Variants in FAF1 observed in about 807,000 individuals in gnomAD.
The protein encoded by FAF1 is Fas associated factor 1.
FAF1 carries 25 observed loss-of-function variants against 92.5 expected under a neutral mutation model. The ratio of observed to expected loss-of-function variants is 0.27; its 90% CI spans 0.20 to 0.38. FAF1 has a LOEUF of 0.38. Ranked by LOEUF, FAF1 falls within the 10% of genes least tolerant of loss-of-function variation. The pLI is 1.00. For synonymous variants in FAF1, 234 were observed against 273.2 expected, an observed-to-expected ratio of 0.86 and a Z score of 1.42; for missense variants, 636 against 793.3, an observed-to-expected ratio of 0.80 and a Z score of 2.38.
intron 15 of FAF1, among the ~76,000 whole-genome samples, chr1:50,508,940 G>A (rs1014575315): frequency 6.6e-6 from 1 of 152,142 alleles, no homozygotes; most frequent in Non-Finnish European, 1.5e-5. Flanking sequence ...CTGACCTCAG[G>A]TGATCCACCC....
chr1:50,603,428 G>A (rs1283715011), intron 8 of FAF1, among the ~76,000 whole-genome samples: 1 of 152,102 alleles, frequency 6.6e-6, no homozygotes, highest in East Asian at 1.9e-4. Context: ...ACGTAGATAA[G>A]GTTTTTTATA....
intron 1 of FAF1, among the ~76,000 whole-genome samples, chr1:50,945,886 A>T (rs1448512700): frequency 6.6e-6 from 1 of 152,240 alleles, no homozygotes; most frequent in Non-Finnish European, 1.5e-5. Context: ...ATCCATTATC[A>T]GTCTGCATAG....
intron 4 of FAF1, among the ~76,000 whole-genome samples, chr1:50,783,076 A>G (rs1661237474): frequency 6.6e-6 from 1 of 152,190 alleles, no homozygotes; most frequent in African/African-American, 2.4e-5. Context: ...ACAGACTACT[A>G]TGAAAAATCA....
chr1:50,745,450 C>T (rs1171548262), intron 4 of FAF1, among the ~76,000 whole-genome samples: 1 of 152,102 alleles, frequency 6.6e-6, no homozygotes, highest in Non-Finnish European at 1.5e-5. Context: ...CTGCTCAAAT[C>T]TCATGTCAAA....
chr1:50,619,353 G>T (rs1653083957), intron 8 of FAF1, among the ~76,000 whole-genome samples: 1 of 152,180 alleles, frequency 6.6e-6, no homozygotes, highest in African/African-American at 2.4e-5. Context: ...GCTTAAGTGT[G>T]TGTTTGTTGT....
At chr1:50,847,522 T>G (rs1255512051) in intron 2 of FAF1, among the ~76,000 whole-genome samples, 1 of 149,168 alleles carries the variant, frequency 6.7e-6, no homozygotes, top group East Asian at 2.0e-4. Context: ...TGAAGATAGA[T>G]CTATAGAAAT....
intron 8 of FAF1, among the ~76,000 whole-genome samples, chr1:50,645,421 C>T (rs529283388): frequency 2.6e-5 from 4 of 152,330 alleles, no homozygotes; most frequent in African/African-American, 7.2e-5. Context: ...AAACTTTCTC[C>T]GTAAAGGGCC....
chr1:50,633,662 C>T (rs1653886506), intron 8 of FAF1, among the ~76,000 whole-genome samples: 1 of 152,120 alleles, frequency 6.6e-6, no homozygotes. Flanking sequence ...TTTCAGAATC[C>T]CATAAAAGCC....
At chr1:50,953,861 T>C (rs374257469) in intron 1 of FAF1, among the ~76,000 whole-genome samples, 1 of 152,038 alleles carries the variant, frequency 6.6e-6, no homozygotes, top group East Asian at 1.9e-4. Context: ...AAAACATAAC[T>C]GAAAATAACA....
intron 1 of FAF1, among the ~76,000 whole-genome samples, chr1:50,885,423 C>T (rs1015738251): frequency 6.6e-6 from 1 of 151,848 alleles, no homozygotes; most frequent in Admixed American, 6.6e-5. Flanking sequence ...CTGAACTGAG[C>T]CCTTTATCAT....
intron 12 of FAF1, among the ~76,000 whole-genome samples, chr1:50,581,507 G>A (rs1650985708): frequency 6.6e-6 from 1 of 151,918 alleles, no homozygotes; most frequent in Non-Finnish European, 1.5e-5. Flanking sequence ...AACATTTACT[G>A]AATTTTTACT....
At chr1:50,819,379 T>C (rs534494182) in intron 2 of FAF1, among the ~76,000 whole-genome samples, 4 of 150,942 alleles carry the variant, frequency 2.7e-5, no homozygotes, top group East Asian at 1.9e-4. Context: ...CTTTGGGAGA[T>C]TGAGGAAGGG....
At chr1:50,836,951 C>CTTTTTTTTTTTTTTT (rs528322924) in intron 2 of FAF1, among the ~76,000 whole-genome samples, 1 of 76,706 alleles carries the variant, frequency 1.3e-5, no homozygotes, top group Non-Finnish European at 2.4e-5. Flanking sequence ...TGTTATGTTT[C>CTTTTTTTTTTTTTTT]TTTTTTTTTT....
At chr1:50,836,730 T>A (rs563718309) in intron 2 of FAF1, among the ~76,000 whole-genome samples, 2 of 152,106 alleles carry the variant, frequency 1.3e-5, no homozygotes, top group African/African-American at 2.4e-5. Flanking sequence ...TTATTATGTG[T>A]CAATTAAAAA....
chr1:50,622,594 T>A (rs1045120553), intron 8 of FAF1, among the ~76,000 whole-genome samples: 1 of 152,200 alleles, frequency 6.6e-6, no homozygotes, highest in Admixed American at 6.5e-5. Flanking sequence ...TACTTGAAAT[T>A]TACCTGTTTT....
intron 15 of FAF1, among the ~76,000 whole-genome samples, chr1:50,521,655 A>G (rs1407493573): frequency 3.9e-5 from 6 of 152,262 alleles, no homozygotes; most frequent in Non-Finnish European, 8.8e-5. Flanking sequence ...AGGCCTTGCC[A>G]TTACTGAAAA....
intron 8 of FAF1, among the ~76,000 whole-genome samples, chr1:50,598,946 GACA>G (rs1651962331): frequency 6.6e-6 from 1 of 151,796 alleles, no homozygotes; most frequent in Non-Finnish European, 1.5e-5. Context: ...CTCCAACCTG[GACA>G]ACAAGAGTGA....
chr1:50,556,437 T>C (rs983083936), intron 13 of FAF1, among the ~76,000 whole-genome samples: 1 of 152,044 alleles, frequency 6.6e-6, no homozygotes, highest in African/African-American at 2.4e-5. Context: ...TTGGGTACAA[T>C]GTACACTACT....
intron 3 of FAF1, among the ~76,000 whole-genome samples, chr1:50,797,442 T>G (rs1661803599): frequency 6.6e-6 from 1 of 152,132 alleles, no homozygotes; most frequent in South Asian, 2.1e-4. Flanking sequence ...GGCTCATGCC[T>G]GTAATCCTAG....
Sources: gnomAD v4.1 joint callset for allele counts (sites outside exome capture counted in the v4.1 genomes callset) on GRCh38, gnomAD v4.1.1 for gene constraint, MANE v1.5 for transcripts, NCBI Gene and HGNC (gene_info 2026-07-23, HGNC 2026-07-21) for gene names.